GALNTL6: variants seen among roughly 807,000 people sequenced by gnomAD.
The protein encoded by GALNTL6 is polypeptide N-acetylgalactosaminyltransferase-like 6.
GALNTL6 carries 46 observed loss-of-function variants against 73.7 expected under a neutral mutation model. The ratio of observed to expected loss-of-function variants is 0.62; its 90% CI spans 0.49 to 0.80. GALNTL6 has a LOEUF of 0.80. Among genes scored for constraint, GALNTL6 ranks in the 30% least tolerant of loss-of-function variants. The pLI is 0.00. For missense variants in GALNTL6, 604 were observed against 755.0 expected (o/e 0.80, Z 2.34); for synonymous variants, 259 against 263.7 (o/e 0.98, Z 0.17).
chr4:172,611,257 A>G (rs1580110), intron 5 of GALNTL6, among the ~76,000 whole-genome samples: 79,411 of 151,848 alleles, frequency 0.52, 21,595 homozygotes, highest in East Asian at 0.77. Context: ...ACTTGATTGC[A>G]TAGGTGCTTT....
intron 2 of GALNTL6, among the ~76,000 whole-genome samples, chr4:171,833,699 T>C (rs1414116218): frequency 6.6e-6 from 1 of 151,910 alleles, no homozygotes; most frequent in Non-Finnish European, 1.5e-5. Flanking sequence ...TATTGTTAAA[T>C]TAGCCTTGGT....
chr4:172,815,807 A>G (rs1741571166), intron 7 of GALNTL6, among the ~76,000 whole-genome samples: 1 of 152,212 alleles, frequency 6.6e-6, no homozygotes, highest in South Asian at 2.1e-4. Flanking sequence ...CATCTATTGC[A>G]TATTACTATC....
At chr4:172,388,904 A>G (rs1305240471) in intron 5 of GALNTL6, among the ~76,000 whole-genome samples, 6 of 152,090 alleles carry the variant, frequency 3.9e-5, no homozygotes, top group Admixed American at 3.9e-4. Context: ...ATTTAAAAAT[A>G]AGCAACCAGA....
rs370355326 is a variant in GALNTL6 at position 172,332,663 on chromosome 4, A to G, written c.387-15860A>G. Reference sequence around the variant, plus strand: ...TTTTTTTCTGGCTGAAAAATATTTCATTGTGTATATATACTATATTTTCAT... The same window carrying G: ...TTTTTTTCTGGCTGAAAAATATTTCGTTGTGTATATATACTATATTTTCAT... On this transcript the variant is annotated intron_variant, in intron 4 of 12. Transcript: ENST00000506823. 3.3e-4 allele frequency among the ~76,000 whole-genome samples: 50 copies of G among 152,132 alleles called. 1 individual carries two copies. The East Asian group carries it at 8.9e-3, about 27-fold the overall frequency.
chr4:171,887,984 G>C (rs149424979), intron 2 of GALNTL6, among the ~76,000 whole-genome samples: 45 of 151,932 alleles, frequency 3.0e-4, no homozygotes, highest in African/African-American at 1.0e-3. Context: ...CACTAATAAA[G>C]AGTACTTTGT....
chr4:172,972,582 G>C (rs1750631374), intron 10 of GALNTL6, among the ~76,000 whole-genome samples: 1 of 152,216 alleles, frequency 6.6e-6, no homozygotes, highest in Non-Finnish European at 1.5e-5. Context: ...CTCAATTGTG[G>C]TCTCTAAATA....
intron 10 of GALNTL6, among the ~76,000 whole-genome samples, chr4:173,004,471 A>G (rs13101857): frequency 0.58 from 88,849 of 151,950 alleles, 27,347 homozygotes; most frequent in South Asian, 0.76. Context: ...TACTAAAAAT[A>G]CAAAATTAGC....
chr4:172,412,806 C>A (rs1179543467), intron 5 of GALNTL6, among the ~76,000 whole-genome samples: 1 of 152,034 alleles, frequency 6.6e-6, no homozygotes, highest in Non-Finnish European at 1.5e-5. Context: ...AAAAATCCAG[C>A]CTCATAGTCT....
At chr4:172,744,963 C>T (rs1372064824) in intron 5 of GALNTL6, among the ~76,000 whole-genome samples, 1 of 151,512 alleles carries the variant, frequency 6.6e-6, no homozygotes, top group Non-Finnish European at 1.5e-5. Context: ...AATATTGTTT[C>T]ATGTTATTTG....
chr4:172,288,557 T>C (rs1039316997), intron 3 of GALNTL6, among the ~76,000 whole-genome samples: 102 of 152,310 alleles, frequency 6.7e-4, no homozygotes, highest in African/African-American at 2.0e-3. Flanking sequence ...AGAACCTTCT[T>C]ACTATGTAAA....
Position 173,039,979 on chromosome 4 carries a change from A to G in GALNTL6, c.1685A>G (p.Asn562Ser), listed in dbSNP as rs1431682391. The change falls in exon 13 of 13, where the codon AAC (asparagine) becomes AGC (serine). Residue 562 changes from asparagine to serine, a missense_variant. Physicochemically the swap from Asn to Ser is conservative, Grantham distance 46. Around this residue, in one of 5 missense-constraint regions of GALNTL6, gnomAD observed 261 missense variants for 296.5 expected, o/e 0.88. Transcript: ENST00000506823. ...HPVSNSCMDC[N>S]PAEKKIFMAR... ...GTGAGCAACAGCTGCATGGATTGCA[A>G]CCCCGCAGAGAAGAAGATTTTCATG... 5.0e-6 allele frequency: 8 copies of G among 1,613,914 alleles called. No homozygotes were observed. The highest frequency in any genetic ancestry group is 1.7e-5 in the Admixed American group (1 of 60,008).
At chr4:171,952,487 G>T (rs1033396700) in intron 2 of GALNTL6, among the ~76,000 whole-genome samples, 6 of 151,916 alleles carry the variant, frequency 3.9e-5, no homozygotes, top group African/African-American at 1.4e-4. Flanking sequence ...ATATATTGAT[G>T]TTTCTGAATT....
chr4:172,848,581 G>C (rs1743640388), intron 7 of GALNTL6, among the ~76,000 whole-genome samples: 1 of 152,102 alleles, frequency 6.6e-6, no homozygotes, highest in Admixed American at 6.5e-5. Context: ...TGGTTTCTTT[G>C]GCTCTCTGAG....
intron 8 of GALNTL6, among the ~76,000 whole-genome samples, chr4:172,912,959 C>G (rs1212960298): frequency 6.6e-6 from 1 of 152,192 alleles, no homozygotes; most frequent in South Asian, 2.1e-4. Flanking sequence ...CTGGGAGACA[C>G]CTCCCAGTAG....
chr4:172,527,438 A>G (rs1280687800), intron 5 of GALNTL6, among the ~76,000 whole-genome samples: 1 of 152,190 alleles, frequency 6.6e-6, no homozygotes, highest in Non-Finnish European at 1.5e-5. Context: ...ATACCCGTAA[A>G]AGATATGTAG....
chr4:172,218,740 A>G (rs1484153573), intron 2 of GALNTL6, among the ~76,000 whole-genome samples: 1 of 152,022 alleles, frequency 6.6e-6, no homozygotes, highest in African/African-American at 2.4e-5. Context: ...AATTCCTCAT[A>G]GTCATTTTTT....
At chr4:172,898,490 C>A (rs1398024890) in intron 8 of GALNTL6, among the ~76,000 whole-genome samples, 1 of 149,946 alleles carries the variant, frequency 6.7e-6, no homozygotes, top group African/African-American at 2.4e-5. Context: ...ACTTTTTTCT[C>A]TTTTTCCTTC....
intron 2 of GALNTL6, among the ~76,000 whole-genome samples, chr4:172,058,638 C>T (rs957279300): frequency 1.3e-5 from 2 of 152,076 alleles, no homozygotes; most frequent in African/African-American, 4.8e-5. Context: ...TTTACATAAT[C>T]GCCAAATAAT....
At chr4:172,762,473 A>G (rs1179369170) in intron 5 of GALNTL6, among the ~76,000 whole-genome samples, 1 of 151,534 alleles carries the variant, frequency 6.6e-6, no homozygotes, top group East Asian at 1.9e-4. Context: ...AAGGAGTAAC[A>G]TGAAACTACA....
Sources: allele counts gnomAD v4.1 joint callset (sites outside exome capture counted in the v4.1 genomes callset), GRCh38; gene constraint gnomAD v4.1.1; regional missense constraint gnomAD v4.1.1; transcripts MANE v1.5; gene names NCBI Gene and HGNC (gene_info 2026-07-23, HGNC 2026-07-21).